The following SETD9 variants were observed in gnomAD, a reference collection of about 807,000 sequenced individuals.
SETD9 encodes SET domain containing 9.
In SETD9, 37 loss-of-function variants were observed where a neutral mutation model predicts 36.4. That is an observed-to-expected ratio of 1.02 (90% CI 0.78 to 1.34). SETD9 has a LOEUF of 1.34. Among genes scored for constraint, SETD9 ranks in the 40% most tolerant of loss-of-function variants. The pLI is 0.00. For synonymous variants in SETD9, 128 were observed against 132.9 expected (o/e 0.96, Z 0.26); for missense variants, 323 against 353.2 (o/e 0.91, Z 0.69).
At chr5:56,909,943 G>A (rs1209259185) in intron 1 of SETD9, 200 bp downstream of exon 1, 4 of 1,125,156 alleles carry the variant, frequency 3.6e-6, no homozygotes, top group South Asian at 1.7e-5. Flanking sequence ...CGGGCCAGAG[G>A]CGGGCGGGGC....
chr5:56,928,481 T>TA (rs1361218474), downstream of SETD9: 5 of 216,464 alleles, frequency 2.3e-5, no homozygotes, highest in Non-Finnish European at 4.6e-5. Flanking sequence ...AATGGCTTGA[T>TA]AAGAAAGGAA....
intron 5 of SETD9, among the ~76,000 whole-genome samples, chr5:56,924,649 G>T (rs1749870534): frequency 6.6e-6 from 1 of 152,086 alleles, no homozygotes; most frequent in Non-Finnish European, 1.5e-5. Flanking sequence ...TTGGTTTTTA[G>T]ATCCAACAGA....
chr5:56,913,370 T>G (rs1011989271), intron 3 of SETD9, among the ~76,000 whole-genome samples: 1 of 151,120 alleles, frequency 6.6e-6, no homozygotes, highest in African/African-American at 2.4e-5. Context: ...TTATGCTTCA[T>G]TTTATTATTT....
intron 4 of SETD9, among the ~76,000 whole-genome samples, chr5:56,914,588 ATGT>A (rs1313383645): frequency 6.7e-6 from 1 of 149,146 alleles, no homozygotes; most frequent in Non-Finnish European, 1.5e-5. Flanking sequence ...ATCTAAACAT[ATGT>A]TATTATATAT....
downstream of SETD9, chr5:56,919,778 A>T (rs1199516283): frequency 6.6e-6 from 1 of 152,540 alleles, no homozygotes; most frequent in Non-Finnish European, 1.5e-5. Flanking sequence ...AATTTATCTC[A>T]TACTCACAGG....
At chr5:56,923,858 T>A (rs1749815587) in intron 5 of SETD9, 2 of 1,613,954 alleles carry the variant, frequency 1.2e-6, no homozygotes, top group South Asian at 2.2e-5. Context: ...CCAGTAATTT[T>A]ATGACTATAT....
Position 56,917,041 on chromosome 5 carries a change from G to A in SETD9, c.*139G>A. 7.5e-7 allele frequency: 1 copy of A among 1,330,162 alleles called. No homozygotes were observed. The highest frequency in any genetic ancestry group is 9.6e-7 in the Non-Finnish European group (1 of 1,045,130). 82.4% of individuals were successfully genotyped at this position (1,330,162 alleles called of 1,614,324 possible). On this transcript the variant is annotated 3_prime_UTR_variant, in exon 6 of 6. Coordinates refer to ENST00000285947, the MANE Select transcript of SETD9 (RefSeq NM_153706.4). The stretch of plus-strand genomic sequence containing the variant: ...AATAGGAATTTCTTATGTTTTTGTT[G>A]ATATTATATTTATGTTCCAATTTCA...
intron 5 of SETD9, 70 bp from the exon 6 acceptor site, chr5:56,916,744 TC>T: frequency 3.3e-6 from 5 of 1,514,974 alleles, no homozygotes; most frequent in Non-Finnish European, 4.5e-6. Context: ...ATAAAAGCCA[TC>T]TTGGTTATAT....
At chr5:56,923,734 T>C in intron 5 of SETD9, 1 of 1,614,238 alleles carries the variant, frequency 6.2e-7, no homozygotes, top group South Asian at 1.1e-5. Flanking sequence ...TGTTTAGCTG[T>C]TGATCAGGAA....
intron 5 of SETD9, chr5:56,922,803 TGA>T (rs1174862545): frequency 3.7e-6 from 1 of 269,468 alleles, no homozygotes; most frequent in Non-Finnish European, 7.2e-6. Context: ...AAATTGGGAG[TGA>T]GGGCAGTGGG....
In SETD9 at chr5:56,909,644, C is replaced by A. The variant is rs1400800455; in HGVS notation, c.-2C>A. 2 of 1,604,960 alleles carry A rather than the reference C, an allele frequency of 1.2e-6. No homozygotes were observed. Among genetic ancestry groups the A allele is most frequent in the South Asian group, 1.1e-5 (1 of 90,054 alleles). On this transcript the variant is annotated 5_prime_UTR_variant, in exon 1 of 6. Coordinates refer to ENST00000285947, the MANE Select transcript of SETD9 (RefSeq NM_153706.4). ...TCCTGGTCACGGCCCCGCGGGGCAG[C>A]CATGCCTGGCCGTCTGCTGCGGGGC...
chr5:56,923,560 G>A, intron 5 of SETD9: 1 of 1,613,992 alleles, frequency 6.2e-7, no homozygotes, highest in Non-Finnish European at 8.5e-7. Flanking sequence ...TGGGGTCGCA[G>A]ACGGTTGCTA....
In SETD9 at chr5:56,916,852, A is replaced by G. The variant is rs1447508639; in HGVS notation, c.850A>G (p.Ile284Val). 1.2e-6 allele frequency: 2 copies of G among 1,608,736 alleles called. No homozygotes were observed. Among genetic ancestry groups the G allele is most frequent in the Admixed American group, 1.7e-5 (1 of 58,990 alleles). Residue 284 changes from isoleucine to valine, a missense_variant, in exon 6 of 6, where the codon ATC (isoleucine) becomes GTC (valine). Ile to Val is a conservative substitution (Grantham distance 29). Coordinates refer to ENST00000285947, the MANE Select transcript of SETD9 (RefSeq NM_153706.4). The part of the protein sequence containing the change: ...RCVVLVALRD[I>V]NQGEELFSNY... ...TGTTGTTCTTGTCGCACTTAGGGAC[A>G]TCAATCAAGGAGAAGAGCTTTTTTC...
At chr5:56,924,057 G>T in intron 5 of SETD9, 1 of 1,586,354 alleles carries the variant, frequency 6.3e-7, no homozygotes, top group South Asian at 1.2e-5. Context: ...TGAAAAAGTT[G>T]AATTTTTAAA....
chr5:56,924,697 C>T (rs544035807), intron 5 of SETD9, among the ~76,000 whole-genome samples: 1 of 152,206 alleles, frequency 6.6e-6, no homozygotes, highest in East Asian at 1.9e-4. Context: ...AGCCTCACCA[C>T]CTTGGCTCCA....
chr5:56,923,863 C>G, intron 5 of SETD9: 1 of 1,613,972 alleles, frequency 6.2e-7, no homozygotes, highest in Non-Finnish European at 8.5e-7. Flanking sequence ...AATTTTATGA[C>G]TATATATTAC....
downstream of SETD9, among the ~76,000 whole-genome samples, chr5:56,918,925 A>AGAT (rs1386537353): frequency 1.3e-5 from 2 of 152,222 alleles, no homozygotes; most frequent in African/African-American, 4.8e-5. Context: ...TAGGAAAGAT[A>AGAT]GATATGACTA....
chr5:56,913,908 A>G lies in SETD9; in HGVS notation c.625A>G (p.Lys209Glu), dbSNP rs40497. The change falls in exon 4 of 6, where the codon AAA (lysine) becomes GAA (glutamate). Residue 209 changes from lysine (K) to glutamate (E), a missense_variant. Coordinates refer to ENST00000285947, the MANE Select transcript of SETD9 (RefSeq NM_153706.4). ...TGGGAGGGATCGACTCGGCCCTTTA[A>G]AAATGAGTGATAGTACATGGCTAAC... The part of the protein sequence containing the change: ...CNGRDRLGPL[K>E]MSDSTWLTSE... 0.29 allele frequency: 472,578 copies of G among 1,610,902 alleles called. 75,724 individuals carry two copies. Among genetic ancestry groups the G allele is most frequent in the Middle Eastern group, 0.35 (2,127 of 6,056 alleles).
At chr5:56,928,671 G>A (rs180973461), downstream of SETD9, 2,375 of 825,330 alleles carry the variant, frequency 2.9e-3, 9 homozygotes, top group South Asian at 3.3e-3. Flanking sequence ...GGGAACATTA[G>A]TAAGTTGTTC....
Sources: allele counts gnomAD v4.1 joint callset (sites outside exome capture counted in the v4.1 genomes callset), GRCh38; gene constraint gnomAD v4.1.1; transcripts MANE v1.5; gene names NCBI Gene and HGNC (gene_info 2026-07-23, HGNC 2026-07-21).